CDH18: variants seen among roughly 807,000 people sequenced by gnomAD.
CDH18 encodes cadherin-18.
A neutral mutation model predicts 67.9 loss-of-function variants in CDH18; 31 were observed. That is an observed-to-expected ratio of 0.46 (90% confidence interval 0.34 to 0.62). The LOEUF (loss-of-function observed/expected upper bound fraction) is 0.62. Among genes scored for constraint, CDH18 ranks in the 20% least tolerant of loss-of-function variants. The probability of loss-of-function intolerance (pLI) is 0.01; values close to 1 mark genes in which losing one functional copy is unlikely to be tolerated. For missense variants in CDH18, 890 were observed against 975.5 expected, an observed-to-expected ratio of 0.91 and a Z score of 1.17; for synonymous variants, 362 against 347.2, an observed-to-expected ratio of 1.04 and a Z score of -0.48.
intron 2 of CDH18, among the ~76,000 whole-genome samples, chr5:20,118,975 G>T (rs532767124): frequency 1.3e-5 from 2 of 152,052 alleles, no homozygotes; most frequent in East Asian, 3.9e-4. Context: ...GCTGAAGAGG[G>T]ATTTAAAATA....
chr5:20,200,198 A>T (rs764904162), intron 2 of CDH18, among the ~76,000 whole-genome samples: 1 of 152,216 alleles, frequency 6.6e-6, no homozygotes, highest in Non-Finnish European at 1.5e-5. Context: ...TTTTCGGTTA[A>T]TGATAAGAAT....
intron 2 of CDH18, among the ~76,000 whole-genome samples, chr5:19,846,913 T>G (rs1026075244): frequency 1.8e-5 from 2 of 114,272 alleles, no homozygotes; most frequent in Non-Finnish European, 4.1e-5. Flanking sequence ...TCGGCAAGAT[T>G]TTTTTTCTTT....
intron 2 of CDH18, among the ~76,000 whole-genome samples, chr5:19,853,395 T>C (rs925331767): frequency 5.9e-5 from 9 of 152,124 alleles, no homozygotes; most frequent in Non-Finnish European, 1.0e-4. Context: ...CCATTCCAAG[T>C]ACAGCCACCC....
chr5:19,869,857 C>T (rs559872527), intron 2 of CDH18, among the ~76,000 whole-genome samples: 1 of 152,260 alleles, frequency 6.6e-6, no homozygotes, highest in Non-Finnish European at 1.5e-5. Context: ...TCTCTGCCTA[C>T]TTTTCATACC....
chr5:19,544,308 T>C (rs1266146515), intron 8 of CDH18, among the ~76,000 whole-genome samples: 1 of 152,062 alleles, frequency 6.6e-6, no homozygotes, highest in East Asian at 1.9e-4. Context: ...AACTCACCTC[T>C]TGGAAGCCTA....
chr5:19,942,204 T>A (rs1001258089), intron 2 of CDH18, among the ~76,000 whole-genome samples: 1 of 152,170 alleles, frequency 6.6e-6, no homozygotes, highest in Non-Finnish European at 1.5e-5. Context: ...ATCAGGAGGA[T>A]ACAGACACCC....
At chr5:20,147,570 G>C (rs1002164841) in intron 2 of CDH18, among the ~76,000 whole-genome samples, 1 of 152,078 alleles carries the variant, frequency 6.6e-6, no homozygotes, top group Non-Finnish European at 1.5e-5. Flanking sequence ...CAATGGCAAC[G>C]ATACATAAAT....
At chr5:19,922,258 G>A (rs1792572290) in intron 2 of CDH18, among the ~76,000 whole-genome samples, 1 of 152,062 alleles carries the variant, frequency 6.6e-6, no homozygotes, top group Non-Finnish European at 1.5e-5. Context: ...CATTTCTTGT[G>A]TTATGCATGT....
chr5:19,505,646 C>A (rs1375545288), intron 10 of CDH18, among the ~76,000 whole-genome samples: 1 of 152,054 alleles, frequency 6.6e-6, no homozygotes, highest in Non-Finnish European at 1.5e-5. Flanking sequence ...GTTGAACCAG[C>A]CTTGCATCCC....
intron 1 of CDH18, among the ~76,000 whole-genome samples, chr5:20,549,071 T>C (rs1022729237): frequency 6.6e-6 from 1 of 152,162 alleles, no homozygotes. Flanking sequence ...CTGCCTGTGA[T>C]AATGGTGGCA....
chr5:19,715,009 G>T (rs570219813), intron 5 of CDH18, among the ~76,000 whole-genome samples: 11 of 151,900 alleles, frequency 7.2e-5, no homozygotes, highest in South Asian at 2.1e-4. Context: ...ATATTTTATT[G>T]TCTTAGCTTT....
chr5:19,619,805 G>A, intron 5 of CDH18, among the ~76,000 whole-genome samples: 1 of 151,990 alleles, frequency 6.6e-6, no homozygotes, highest in East Asian at 1.9e-4. Flanking sequence ...TATCTCTACT[G>A]GTAAATTTAG....
intron 1 of CDH18, among the ~76,000 whole-genome samples, chr5:20,464,733 G>T (rs556772241): frequency 6.6e-6 from 1 of 152,036 alleles, no homozygotes; most frequent in African/African-American, 2.4e-5. Flanking sequence ...AACAAACTTC[G>T]TCAACATCAG....
In CDH18 at chr5:20,048,774, T is replaced by A. The variant is rs368873184; in HGVS notation, c.-517-56760A>T. ...TCTTCTGATATATTATCAGAAAATATGTAATAACTCCTTCTACATAAATGG... is the reference window on the plus strand; with the variant it reads ...TCTTCTGATATATTATCAGAAAATAAGTAATAACTCCTTCTACATAAATGG... On this transcript the variant is annotated intron_variant, in intron 2 of 14. Transcript: ENST00000507958. Among the ~76,000 whole-genome samples, 80 of 151,772 alleles carry A rather than the reference T, an allele frequency of 5.3e-4. No homozygotes were observed. In the East Asian group the frequency reaches 0.015, roughly 28 times the overall value.
At position 20,464,733 on chromosome 5, in the gene CDH18, G is replaced by A. The variant is rs556772241; in HGVS notation, c.-580+110729C>T. On this transcript the variant is annotated intron_variant, in intron 1 of 14. Coordinates refer to the CDH18 transcript ENST00000507958. Reference sequence around the variant, plus strand: ...TCCCAGGTAAGATAAAACAAACTTCGTCAACATCAGTATGATTGCCGAAAG... The same window carrying A: ...TCCCAGGTAAGATAAAACAAACTTCATCAACATCAGTATGATTGCCGAAAG... Among the ~76,000 whole-genome samples, 5 of 152,154 alleles carry A rather than the reference G, an allele frequency of 3.3e-5. No homozygotes were observed. The South Asian group carries it at 6.2e-4, about 19-fold the overall frequency.
intron 5 of CDH18, among the ~76,000 whole-genome samples, chr5:19,664,184 G>A (rs1264349649): frequency 6.6e-6 from 1 of 151,740 alleles, no homozygotes; most frequent in East Asian, 1.9e-4. Flanking sequence ...ACTCATAGTA[G>A]CCCTTTCAAC....
intron 2 of CDH18, among the ~76,000 whole-genome samples, chr5:20,206,199 T>C (rs1277300177): frequency 1.3e-5 from 2 of 151,836 alleles, no homozygotes; most frequent in East Asian, 1.9e-4. Flanking sequence ...TAGACACTAT[T>C]GTGCACAACT....
intron 1 of CDH18, chr5:20,305,606 G>C (rs1381923900): frequency 1.8e-6 from 1 of 544,038 alleles, no homozygotes; most frequent in Non-Finnish European, 3.3e-6. Flanking sequence ...CAGAGGACTT[G>C]GTGCTCGGCA....
chr5:20,026,419 AC>A (rs1738906675), intron 2 of CDH18, among the ~76,000 whole-genome samples: 1 of 152,228 alleles, frequency 6.6e-6, no homozygotes, highest in Non-Finnish European at 1.5e-5. Context: ...AAACCTACAA[AC>A]TTTATTTAGT....
Sources: allele counts gnomAD v4.1 joint callset (sites outside exome capture counted in the v4.1 genomes callset), GRCh38; gene constraint gnomAD v4.1.1; transcripts MANE v1.5; gene names NCBI Gene and HGNC (gene_info 2026-07-23, HGNC 2026-07-21).